MPO: variants seen among roughly 807,000 people sequenced by gnomAD.
MPO encodes myeloperoxidase.
Under a neutral mutation model 69.4 loss-of-function variants are expected in MPO, and 57 were observed. The ratio of observed to expected loss-of-function variants is 0.82; its 90% CI spans 0.66 to 1.02. The LOEUF (loss-of-function observed/expected upper bound fraction) is 1.02, where lower values mean the gene tolerates loss of function less well. Ranked by LOEUF, MPO falls within the 50% of genes least tolerant of loss-of-function variation. The pLI, the probability that MPO is intolerant of heterozygous loss-of-function variation, is 0.00. For missense variants in MPO, 971 were observed against 1,014.1 expected, an observed-to-expected ratio of 0.96 and a Z score of 0.58; for synonymous variants, 426 against 417.1, an observed-to-expected ratio of 1.02 and a Z score of -0.26.
At position 58,277,974 on chromosome 17, in the gene MPO, G is replaced by T; in HGVS notation, c.1057C>A (p.Leu353Met). 6.2e-7 allele frequency: 1 copy of T among 1,613,814 alleles called. No individual in the cohort carries two copies. Among genetic ancestry groups the T allele is most frequent in the Non-Finnish European group, 8.5e-7 (1 of 1,180,036 alleles). ...YGSEEPLARN[L>M]RNMSNQLGLL... ...CCCAGCTGGTTGGACATGTTGCGCA[G>T]GTTCCTGGCCAGGGGCTCCTCGCTG... The change falls in exon 7 of 12, where the codon CTG becomes ATG. Residue 353 changes from leucine to methionine, a missense_variant. Transcript: ENST00000225275.
chr17:58,271,394 C>A (rs1970362712), intron 11 of MPO, among the ~76,000 whole-genome samples: 1 of 152,128 alleles, frequency 6.6e-6, no homozygotes, highest in African/African-American at 2.4e-5. Context: ...ACAGTGAAAC[C>A]CATGGGAAGA....
rs567863291 is a variant in MPO, at chr17:58,272,493, G to A, written c.1792+255C>T. Among the ~76,000 whole-genome samples the A allele has an allele frequency of 2.6e-5, 4 of 152,342 alleles. No individual in the cohort carries two copies. The South Asian group carries it at 8.3e-4, about 32-fold the overall frequency. ...GATGACAGAGACAGATTTTCAGACT[G>A]TGGGTTATCATTATGATGACGATGC... On this transcript the variant is annotated intron_variant, in intron 10 of 11. Coordinates refer to ENST00000225275, the MANE Select transcript of MPO (RefSeq NM_000250.2).
chr17:58,272,536 C>G (rs533720381), intron 10 of MPO, among the ~76,000 whole-genome samples: 2 of 152,334 alleles, frequency 1.3e-5, no homozygotes, highest in African/African-American at 2.4e-5. Context: ...ATGAGAATTA[C>G]AGCATGCAAA....
In MPO at chr17:58,279,847, T is replaced by C. The variant is rs763921242; in HGVS notation, c.416A>G (p.Asn139Ser). 1 of 1,613,964 alleles carries C rather than the reference T, an allele frequency of 6.2e-7. No homozygotes were observed. Among genetic ancestry groups the C allele is most frequent in the South Asian group, 1.1e-5 (1 of 91,080 alleles). ...GTGATGGGCAACAGTACCAGTGACA[T>C]TGAATGGCCTTCGCCACAGGGACCG... ...KLRSLWRRPF[N>S]VTDVLTPAQL... Residue 139 changes from asparagine (N) to serine (S), a missense_variant, in exon 3 of 12, where the codon AAT becomes AGT. Coordinates refer to ENST00000225275, the MANE Select transcript of MPO (RefSeq NM_000250.2).
chr17:58,277,790 C>T (rs754957534), intron 7 of MPO, 37 bp downstream of exon 7: 1 of 1,598,426 alleles, frequency 6.3e-7, no homozygotes, highest in Admixed American at 1.7e-5. Context: ...CAGGGAACAT[C>T]TCCTATGCCA....
rs745685034 is a variant in MPO, at chr17:58,270,631, A to G, written c.*25T>C. 8.2e-6 allele frequency: 13 copies of G among 1,579,352 alleles called. No individual in the cohort carries two copies. The East Asian group carries it at 2.8e-4, about 34-fold the overall frequency. ...ACTGGCCAGCCCAGATATACCCCTC[A>G]CTGCTGCACCCCCTTACCTGGCCTC... On this transcript the variant is annotated 3_prime_UTR_variant, in exon 12 of 12. Coordinates refer to ENST00000225275, the MANE Select transcript of MPO (RefSeq NM_000250.2). This position sits in a 1 kb window ranked among gnomAD's most constrained non-coding sequence, Gnocchi z 4.1.
intron 11 of MPO, 38 bp downstream of exon 11, chr17:58,271,617 C>T: frequency 6.3e-7 from 1 of 1,599,228 alleles, no homozygotes; most frequent in Non-Finnish European, 8.6e-7. Flanking sequence ...GATGGGCCCA[C>T]AGCCACCCAG....
intron 7 of MPO, among the ~76,000 whole-genome samples, chr17:58,276,610 C>T (rs1320025247): frequency 6.6e-6 from 1 of 152,218 alleles, no homozygotes. Context: ...TCATCAAAGC[C>T]AGGCTGTGGG....
At chr17:58,280,038 G>A in intron 2 of MPO, 24 bp from the exon 3 acceptor site, 1 of 1,610,800 alleles carries the variant, frequency 6.2e-7, no homozygotes, top group South Asian at 1.1e-5. Context: ...GGAGGAGTGA[G>A]GGCCAGAGAA....
At position 58,272,842 on chromosome 17, in the gene MPO, A is replaced by T; in HGVS notation, c.1698T>A (p.Asp566Glu). The change falls in exon 10 of 12, where the codon GAT becomes GAA. Residue 566 changes from aspartate to glutamate, a missense_variant. Transcript: ENST00000225275. ...KLNRQNQIAVDEIRERLFEQV... is the reference protein window; with the variant it reads ...KLNRQNQIAVEEIRERLFEQV... ...GCTCAAACAATCGCTCCCGGATCTC[A>T]TCCACTGCAATTTGGTTCTGACGAT... The T allele has an allele frequency of 6.2e-7, 1 of 1,612,204 alleles. No homozygotes were observed. The highest frequency in any genetic ancestry group is 8.5e-7 in the Non-Finnish European group (1 of 1,178,218).
intron 7 of MPO, 86 bp downstream of exon 7, chr17:58,277,741 C>T (rs956949987): frequency 6.3e-7 from 1 of 1,575,776 alleles, no homozygotes. Context: ...TAAGTACAAA[C>T]CCACAAGCTG....
At position 58,273,466 on chromosome 17, in the gene MPO, GGGGTTGGGTTCCAT is replaced by G. The variant is rs536522394; in HGVS notation, c.1555_1568del (p.Met519ProfsTer21). 1.1e-3 allele frequency: 1,785 copies of G among 1,614,232 alleles called. 1 individual carries two copies. Among genetic ancestry groups the G allele is most frequent in the Non-Finnish European group, 1.4e-3 (1,656 of 1,180,048 alleles). On this transcript the variant is annotated frameshift_variant, in exon 9 of 12. Coordinates refer to ENST00000225275, the MANE Select transcript of MPO (RefSeq NM_000250.2). LOFTEE classifies it high-confidence loss of function. ...AAAAGACCCTGCTGAGGGGGACACG[GGGGTTGGGTTCCAT>G]GGGCTGGTACCGATTGTCCAGGCGG...
Position 58,270,829 on chromosome 17 carries a change from G to C in MPO, c.2065C>G (p.Gln689Glu). 1.9e-6 allele frequency: 3 copies of C among 1,613,826 alleles called. No homozygotes were observed. The highest frequency in any genetic ancestry group is 2.5e-6 in the Non-Finnish European group (3 of 1,180,028). The stretch of plus-strand genomic sequence containing the variant: ...ATCTGGGCCAGGGCCTGTCGCTGCT[G>C]CATGCTGAACACACCCTCGTTCTCC... The part of the protein sequence containing the change: ...WWENEGVFSM[Q>E]QRQALAQISL... The change falls in exon 12 of 12, where the codon CAG (glutamine) becomes GAG (glutamate). Residue 689 changes from glutamine to glutamate, a missense_variant. Coordinates refer to ENST00000225275, the MANE Select transcript of MPO (RefSeq NM_000250.2). The surrounding 1 kb of genome is among the most constrained non-coding windows in gnomAD (Gnocchi z 4.1).
rs1472001445 is a variant in MPO, at chr17:58,269,864, C to T, written c.*792G>A. On this transcript the variant is annotated 3_prime_UTR_variant, in exon 12 of 12. Transcript: ENST00000225275. ...TCAGACACAGACAGAGTGGAGGTCC[C>T]CATCAGCGGTGCCTTTATTATCATA... 1 of 152,736 alleles carries T rather than the reference C, an allele frequency of 6.5e-6. No individual in the cohort carries two copies. The highest frequency in any genetic ancestry group is 1.5e-5 in the Non-Finnish European group (1 of 68,452). 9.5% of individuals were successfully genotyped at this position (152,736 alleles called of 1,614,324 possible). A position where few individuals can be genotyped will look rare whatever the true frequency, so the allele number is the denominator to read the frequency against.
In MPO at chr17:58,272,923, G is replaced by C; in HGVS notation, c.1622-5C>G. ...GGAGGATGGGGTCAATGCCACCTGG[G>C]GACCAGAGGAGCCAGGTCAGGGGAA... is the stretch of plus-strand genomic sequence containing the variant. On this transcript the variant is annotated splice_region_variant and splice_polypyrimidine_tract_variant and intron_variant, in intron 9 of 11. Coordinates refer to ENST00000225275, the MANE Select transcript of MPO (RefSeq NM_000250.2). 1 of 1,613,984 alleles carries C rather than the reference G, an allele frequency of 6.2e-7. No individual in the cohort carries two copies. The highest frequency in any genetic ancestry group is 1.1e-5 in the South Asian group (1 of 91,078).
rs774871469 is a variant in MPO at position 58,278,050 on chromosome 17, G to A, written c.981C>T (p.Arg327=). 2.5e-6 allele frequency: 4 copies of A among 1,613,366 alleles called. No individual in the cohort carries two copies. Among genetic ancestry groups the A allele is most frequent in the Non-Finnish European group, 1.7e-6 (2 of 1,180,046 alleles). The part of the protein sequence containing the change: ...PACPGSNITI[R]NQINALTSFV... ...AGGAAGTGAGCGCGTTGATCTGGTT[G>A]CGGATGGTGATGTTGCTCCCGGGGC... Residue 327 remains arginine, a synonymous_variant, in exon 7 of 12, where the codon CGC becomes CGT. Coordinates refer to ENST00000225275, the MANE Select transcript of MPO (RefSeq NM_000250.2).
At chr17:58,279,795 G>A (rs372055657) in intron 3 of MPO, 44 bp downstream of exon 3, 3 of 1,613,478 alleles carry the variant, frequency 1.9e-6, no homozygotes, top group Non-Finnish European at 2.5e-6. Context: ...CCTAGGAGGA[G>A]TCACTAGTGG....
chr17:58,273,684 T>A lies in MPO; in HGVS notation c.1366-15A>T. 1 of 1,614,076 alleles carries A rather than the reference T, an allele frequency of 6.2e-7. No homozygotes were observed. Among genetic ancestry groups the A allele is most frequent in the South Asian group, 1.1e-5 (1 of 91,072 alleles). On this transcript the variant is annotated splice_polypyrimidine_tract_variant and intron_variant, in intron 8 of 11. Coordinates refer to ENST00000225275, the MANE Select transcript of MPO (RefSeq NM_000250.2). Reference sequence around the variant, plus strand: ...TAAGTGATGATCTAAAGACAAGTCATTTGGAATGGCCTCTCCACCCACTCC... The same window carrying A: ...TAAGTGATGATCTAAAGACAAGTCAATTGGAATGGCCTCTCCACCCACTCC...
chr17:58,280,332 C>T (rs1401825669), intron 2 of MPO, 34 bp downstream of exon 2: 1 of 1,600,092 alleles, frequency 6.2e-7, no homozygotes, highest in East Asian at 2.2e-5. Flanking sequence ...CTGGGACATC[C>T]TTGCCCAGAG....
Sources: allele counts gnomAD v4.1 joint callset (sites outside exome capture counted in the v4.1 genomes callset), GRCh38; gene constraint gnomAD v4.1.1; non-coding constraint Gnocchi (gnomAD v3.1); transcripts MANE v1.5; gene names NCBI Gene and HGNC (gene_info 2026-07-23, HGNC 2026-07-21).